The following MACF1 variants were observed in gnomAD, a reference collection of about 807,000 sequenced individuals.
MACF1 encodes the protein microtubule-actin cross-linking factor 1.
A neutral mutation model predicts 854.8 loss-of-function variants in MACF1; 193 were observed. The observed-to-expected ratio is 0.23, with a 90% CI of 0.20 to 0.25. MACF1 has a LOEUF of 0.25. Ranked by LOEUF, MACF1 falls within the 10% of genes least tolerant of loss-of-function variation. MACF1 has a pLI of 1.00. For synonymous variants in MACF1, 3,185 were observed against 3,226.7 expected, an observed-to-expected ratio of 0.99 and a Z score of 0.44; for missense variants, 7,722 against 8,929.1, an observed-to-expected ratio of 0.86 and a Z score of 5.45.
At chr1:39,190,202 A>G (rs1015309850) in intron 2 of MACF1, among the ~76,000 whole-genome samples, 7 of 151,892 alleles carry the variant, frequency 4.6e-5, no homozygotes, top group African/African-American at 7.3e-5. Flanking sequence ...ATTTTTGTCA[A>G]TATCTTTTTG....
intron 2 of MACF1, chr1:39,103,083 T>G: frequency 1.6e-6 from 1 of 638,480 alleles, no homozygotes; most frequent in Non-Finnish European, 2.9e-6. Context: ...AATTTGAGTC[T>G]TAGAGAAGCT....
chr1:39,358,933 A>AC, intron 46 of MACF1, 60 bp downstream of exon 46: 1 of 1,533,610 alleles, frequency 6.5e-7, no homozygotes, highest in Non-Finnish European at 8.8e-7. Context: ...GGCGTAAAGT[A>AC]CCCCAAAATA....
At chr1:39,258,124 C>T in intron 6 of MACF1, 96 bp downstream of exon 6, 1 of 960,664 alleles carries the variant, frequency 1.0e-6, no homozygotes, top group Non-Finnish European at 1.7e-6. Context: ...CCTTCCTTCT[C>T]TCTATTTGTC....
rs896673709 is a variant in MACF1, at chr1:39,435,481, T to C, written c.17785-77T>C. 6.6e-6 allele frequency: 8 copies of C among 1,206,640 alleles called. No individual in the cohort carries two copies. The African/African-American group carries it at 7.6e-5, about 11-fold the overall frequency. 74.7% of individuals were successfully genotyped at this position (1,206,640 alleles called of 1,614,324 possible). ...TTGTTTGTTCCTCTTAAAGTTGATA[T>C]TAGCTCTGATCAAAGTATCTAAATA... On this transcript the variant is annotated intron_variant, in intron 69 of 100. Transcript: ENST00000564288.
chr1:39,403,034 C>T (rs532575906), intron 58 of MACF1, among the ~76,000 whole-genome samples: 30 of 151,870 alleles, frequency 2.0e-4, no homozygotes, highest in Admixed American at 7.9e-4. Flanking sequence ...CTATCTTTCT[C>T]TCTCTTTTGT....
intron 85 of MACF1, among the ~76,000 whole-genome samples, chr1:39,451,730 C>A (rs1199885204): frequency 3.9e-5 from 6 of 151,958 alleles, no homozygotes; most frequent in Non-Finnish European, 4.4e-5. Flanking sequence ...TTTTTATTTC[C>A]CATAATTCTG....
At chr1:39,244,301 A>G (rs1644957888) in intron 2 of MACF1, among the ~76,000 whole-genome samples, 1 of 151,020 alleles carries the variant, frequency 6.6e-6, no homozygotes, top group African/African-American at 2.4e-5. Context: ...TTATTTTTTG[A>G]GGTGGAGTCG....
intron 94 of MACF1, chr1:39,464,820 A>G (rs1363359499): frequency 2.5e-6 from 1 of 397,100 alleles, no homozygotes; most frequent in Non-Finnish European, 4.7e-6. Flanking sequence ...AGGCTGAGGC[A>G]GGAGAATTGC....
At chr1:39,310,064 A>G (rs983048965) in intron 24 of MACF1, among the ~76,000 whole-genome samples, 181 bp from the exon 25 acceptor site, 3 of 152,224 alleles carry the variant, frequency 2.0e-5, no homozygotes. Flanking sequence ...GGGTGCTGGT[A>G]ATGTTCTGCT....
chr1:39,341,262 G>A (rs1646930186), intron 40 of MACF1, among the ~76,000 whole-genome samples: 1 of 151,310 alleles, frequency 6.6e-6, no homozygotes, highest in South Asian at 2.1e-4. Flanking sequence ...TCGAACTCCT[G>A]ATCTCAGGTG....
At chr1:39,432,333 T>C (rs1643889371) in intron 66 of MACF1, among the ~76,000 whole-genome samples, 1 of 152,214 alleles carries the variant, frequency 6.6e-6, no homozygotes, top group Non-Finnish European at 1.5e-5. Flanking sequence ...TAACTTACTT[T>C]AAAGAAATTG....
intron 89 of MACF1, among the ~76,000 whole-genome samples, chr1:39,455,912 A>T (rs1352353228): frequency 6.6e-6 from 1 of 152,218 alleles, no homozygotes; most frequent in East Asian, 1.9e-4. Flanking sequence ...TATACTGTAG[A>T]CTATATGGTC....
intron 95 of MACF1, among the ~76,000 whole-genome samples, chr1:39,466,328 G>T (rs979441250): frequency 2.0e-5 from 3 of 152,084 alleles, no homozygotes; most frequent in African/African-American, 7.2e-5. Flanking sequence ...TTGTGACTCT[G>T]GCCTCAACTT....
At chr1:39,140,241 C>T (rs1366922102) in intron 2 of MACF1, among the ~76,000 whole-genome samples, 4 of 152,162 alleles carry the variant, frequency 2.6e-5, no homozygotes, top group Admixed American at 6.5e-5. Flanking sequence ...GGGCATGAGC[C>T]ATCATACCTA....
chr1:39,088,003 C>A (rs1396324285), intron 2 of MACF1, among the ~76,000 whole-genome samples: 1 of 151,802 alleles, frequency 6.6e-6, no homozygotes, highest in Non-Finnish European at 1.5e-5. Flanking sequence ...TCGCTGTCGC[C>A]CAGGCTGGAG....
chr1:39,322,611 T>C lies in MACF1; in HGVS notation c.4033T>C (p.Tyr1345His). The C allele has an allele frequency of 6.2e-7, 1 of 1,612,142 alleles. No individual in the cohort carries two copies. Among genetic ancestry groups the C allele is most frequent in the East Asian group, 2.2e-5 (1 of 44,866 alleles). ...AGCGAAATTCATCCTTTCCTAGGAC[T>C]ATGAATTGCAACTGATGACATACAA... ...SQQYSTIVKD[Y>H]ELQLMTYKAF... The change falls in exon 32 of 101, where the codon TAT (tyrosine) becomes CAT (histidine). Residue 1345 changes from tyrosine to histidine, a missense_variant. This residue lies in a region of MACF1 where 1,137 missense variants were observed against 1,263.0 expected (regional missense o/e 0.90). Transcript: ENST00000564288.
chr1:39,238,895 AT>A (rs947425114), intron 2 of MACF1, among the ~76,000 whole-genome samples: 3 of 151,506 alleles, frequency 2.0e-5, no homozygotes, highest in Non-Finnish European at 4.4e-5. Flanking sequence ...AGGGATTGAG[AT>A]TTTTTTTTGC....
chr1:39,350,915 A>T lies in MACF1; in HGVS notation c.11096A>T (p.His3699Leu), dbSNP rs1442353730. The part of the protein sequence containing the change: ...RELTALREKL[H>L]QAKEQYEALQ... ...TTGACAGCTCTTCGGGAAAAGCTTC[A>T]TCAGGCTAAGGAGCAATATGAGGCG... Residue 3699 changes from histidine to leucine, a missense_variant, in exon 43 of 101, where the codon CAT becomes CTT. Physicochemically the swap from His to Leu is moderately conservative, Grantham distance 99 (BLOSUM62 -3). This residue lies in a region of MACF1 where 2,807 missense variants were observed against 3,235.8 expected (regional missense o/e 0.87). Coordinates refer to ENST00000564288, the MANE Select transcript of MACF1 (RefSeq NM_001394062.1). 1 of 1,614,168 alleles carries T rather than the reference A, an allele frequency of 6.2e-7. No individual in the cohort carries two copies. Among genetic ancestry groups the T allele is most frequent in the South Asian group, 1.1e-5 (1 of 91,082 alleles).
chr1:39,458,331 C>T, intron 89 of MACF1, 39 bp from the exon 90 acceptor site: 1 of 1,601,436 alleles, frequency 6.2e-7, no homozygotes, highest in East Asian at 2.2e-5. Context: ...AGTAAAAATA[C>T]AATATTTAAC....
Sources: allele counts gnomAD v4.1 joint callset (sites outside exome capture counted in the v4.1 genomes callset), GRCh38; gene constraint gnomAD v4.1.1; regional missense constraint gnomAD v4.1.1; transcripts MANE v1.5; gene names NCBI Gene and HGNC (gene_info 2026-07-23, HGNC 2026-07-21).